BAZ2B: variants seen among roughly 807,000 people sequenced by gnomAD.
The protein encoded by BAZ2B is bromodomain adjacent to zinc finger domain protein 2B.
A neutral mutation model predicts 246.0 loss-of-function variants in BAZ2B; 91 were observed. That is an observed-to-expected ratio of 0.37 (90% CI 0.31 to 0.44). BAZ2B has a LOEUF of 0.44. Among genes scored for constraint, BAZ2B ranks in the 20% least tolerant of loss-of-function variants. The pLI is 1.00. For synonymous variants in BAZ2B, 855 were observed against 860.0 expected, an observed-to-expected ratio of 0.99 and a Z score of 0.10; for missense variants, 2,332 against 2,533.7, an observed-to-expected ratio of 0.92 and a Z score of 1.71.
chr2:159,463,627 T>TAA (rs1393995647), intron 3 of BAZ2B: 1 of 152,236 alleles, frequency 6.6e-6, no homozygotes, highest in Non-Finnish European at 1.5e-5. Flanking sequence ...TCCCTAATGA[T>TAA]TAGTGATGTT....
intron 1 of BAZ2B, among the ~76,000 whole-genome samples, chr2:159,580,467 T>C (rs1338174816): frequency 6.6e-6 from 1 of 151,990 alleles, no homozygotes; most frequent in Non-Finnish European, 1.5e-5. Flanking sequence ...GAAGAACCAA[T>C]ATCGTGAAAA....
At chr2:159,533,547 C>T (rs537602623) in intron 2 of BAZ2B, among the ~76,000 whole-genome samples, 2 of 152,218 alleles carry the variant, frequency 1.3e-5, no homozygotes, top group South Asian at 4.1e-4. Flanking sequence ...AGCAGGCAAT[C>T]TTTCAAAATC....
chr2:159,618,623 T>C (rs1314258078), upstream of BAZ2B, among the ~76,000 whole-genome samples: 3 of 152,112 alleles, frequency 2.0e-5, no homozygotes, highest in Admixed American at 6.6e-5. Flanking sequence ...TTTTTAAGTA[T>C]GTGGAACTAA....
rs767318278 is a variant in BAZ2B at position 159,453,705 on chromosome 2, G to A, written c.242C>T (p.Ser81Leu). Residue 81 changes from serine (S) to leucine (L), a missense_variant, in exon 4 of 37, where the codon TCA becomes TTA. Physicochemically the swap from Ser to Leu is moderately radical, Grantham distance 145. Around this residue, in one of 9 missense-constraint regions of BAZ2B, gnomAD observed 242 missense variants for 237.4 expected, o/e 1.02. Coordinates refer to ENST00000392783, the MANE Select transcript of BAZ2B (RefSeq NM_013450.4). ...AAATTCTGAATGCCCTGAGCTGGCT[G>A]AATGTAGACCAAAGACTGGGTGGCT... The part of the protein sequence containing the change: ...MVSHPVFGLH[S>L]ASSGHSEFGG... 1.5e-5 allele frequency: 25 copies of A among 1,613,836 alleles called. No individual in the cohort carries two copies. The highest frequency in any genetic ancestry group is 2.1e-5 in the Non-Finnish European group (25 of 1,179,872).
At chr2:159,501,174 T>TAAAATATATAATA (rs1491348023) in intron 2 of BAZ2B, among the ~76,000 whole-genome samples, 1 of 92,276 alleles carries the variant, frequency 1.1e-5, no homozygotes, top group Non-Finnish European at 2.1e-5. Context: ...ATAATATATA[T>TAAAATATATAATA]TATATATATT....
chr2:159,352,891 G>A (rs966680936), intron 27 of BAZ2B, among the ~76,000 whole-genome samples: 1 of 152,220 alleles, frequency 6.6e-6, no homozygotes, highest in Non-Finnish European at 1.5e-5. Flanking sequence ...TGTAGTCCCA[G>A]CTACTTGGGA....
intron 2 of BAZ2B, among the ~76,000 whole-genome samples, chr2:159,512,163 T>C (rs1056812789): frequency 6.6e-6 from 1 of 152,194 alleles, no homozygotes; most frequent in Non-Finnish European, 1.5e-5. Flanking sequence ...TTAAAAAAAC[T>C]GGTATTTCTG....
the BAZ2B span, among the ~76,000 whole-genome samples, chr2:159,671,826 C>A: frequency 6.6e-6 from 1 of 152,050 alleles, no homozygotes; most frequent in South Asian, 2.1e-4. Flanking sequence ...AATTTTTAAT[C>A]ATATCAACAA....
intron 31 of BAZ2B, among the ~76,000 whole-genome samples, chr2:159,346,186 G>A (rs114318840): frequency 4.5e-4 from 68 of 152,194 alleles, no homozygotes; most frequent in Non-Finnish European, 7.4e-4. Flanking sequence ...GCTTCCCAAC[G>A]TTGGTAATTA....
At chr2:159,666,929 G>C in the BAZ2B span, among the ~76,000 whole-genome samples, 1 of 151,928 alleles carries the variant, frequency 6.6e-6, no homozygotes, top group African/African-American at 2.4e-5. Flanking sequence ...GGGCCTGTTG[G>C]GGGTGGGGGG....
At chr2:159,570,245 C>T (rs752426442) in intron 1 of BAZ2B, among the ~76,000 whole-genome samples, 3 of 150,008 alleles carry the variant, frequency 2.0e-5, no homozygotes, top group Admixed American at 6.7e-5. Context: ...AGTGCAGTGG[C>T]GCAATTTCAG....
the BAZ2B span, among the ~76,000 whole-genome samples, chr2:159,644,663 T>A: frequency 2.0e-5 from 3 of 152,250 alleles, no homozygotes; most frequent in Non-Finnish European, 2.9e-5. Flanking sequence ...CATTCTGTCT[T>A]GTCTTTCTCT....
chr2:159,566,825 C>T (rs940029657), intron 1 of BAZ2B, among the ~76,000 whole-genome samples: 2 of 152,082 alleles, frequency 1.3e-5, no homozygotes, highest in African/African-American at 4.8e-5. Context: ...ATTTTATATC[C>T]TTTACTGTTC....
intron 2 of BAZ2B, among the ~76,000 whole-genome samples, chr2:159,498,556 G>A (rs1188873950): frequency 1.3e-5 from 2 of 152,068 alleles, no homozygotes; most frequent in Non-Finnish European, 2.9e-5. Flanking sequence ...TTTTCCCTGA[G>A]AAGTTAATAT....
At chr2:159,362,912 A>G (rs563994004) in intron 27 of BAZ2B, among the ~76,000 whole-genome samples, 123 of 152,290 alleles carry the variant, frequency 8.1e-4, no homozygotes, top group South Asian at 1.2e-3. Context: ...GTTTATCTGT[A>G]ATATGAGGCA....
intron 27 of BAZ2B, among the ~76,000 whole-genome samples, chr2:159,371,245 C>T (rs569877904): frequency 6.6e-6 from 1 of 152,236 alleles, no homozygotes; most frequent in Non-Finnish European, 1.5e-5. Flanking sequence ...TGGGTTCAAG[C>T]GATTCTTGTG....
chr2:159,316,860 G>T (rs2062184982), downstream of BAZ2B, among the ~76,000 whole-genome samples: 3 of 151,958 alleles, frequency 2.0e-5, no homozygotes, highest in South Asian at 4.2e-4. Context: ...AATCAGCCAG[G>T]TGTGGTGGCA....
chr2:159,676,820 G>C, the BAZ2B span, among the ~76,000 whole-genome samples: 1 of 151,824 alleles, frequency 6.6e-6, no homozygotes, highest in Non-Finnish European at 1.5e-5. Flanking sequence ...AAAAAGTTTT[G>C]GAAACAGTGG....
intron 2 of BAZ2B, among the ~76,000 whole-genome samples, chr2:159,496,268 C>G (rs1355827295): frequency 6.8e-6 from 1 of 147,478 alleles, no homozygotes; most frequent in African/African-American, 2.5e-5. Context: ...CCCAGCTACT[C>G]AGGAGGCTGA....
Sources: allele counts gnomAD v4.1 joint callset (sites outside exome capture counted in the v4.1 genomes callset), GRCh38; gene constraint gnomAD v4.1.1; regional missense constraint gnomAD v4.1.1; transcripts MANE v1.5; gene names NCBI Gene and HGNC (gene_info 2026-07-23, HGNC 2026-07-21).